The following KNSTRN variants were observed in gnomAD, a reference collection of about 807,000 sequenced individuals.
KNSTRN encodes kinetochore localized astrin (SPAG5) binding protein, also known as small kinetochore-associated protein.
Under a neutral mutation model 44.7 loss-of-function variants are expected in KNSTRN, and 38 were observed. The ratio of observed to expected loss-of-function variants is 0.85; its 90% CI spans 0.66 to 1.11. The LOEUF (loss-of-function observed/expected upper bound fraction) is 1.11, where lower values mean the gene tolerates loss of function less well. KNSTRN is among the 50% of genes most tolerant of loss of function. The pLI is 0.00. For synonymous variants in KNSTRN, 158 were observed against 148.1 expected (o/e 1.07, Z -0.48); for missense variants, 406 against 375.8 (o/e 1.08, Z -0.66).
chr15:40,389,475 T>A (rs6492944), intron 4 of KNSTRN, 31 bp from the exon 5 acceptor site: 215,404 of 1,550,922 alleles, frequency 0.14, 15,978 homozygotes, highest in African/African-American at 0.18. Flanking sequence ...AACCCTTTTA[T>A]CTTTTCATGT....
chr15:40,383,129 C>T, intron 1 of KNSTRN, 85 bp downstream of exon 1: 1 of 1,588,730 alleles, frequency 6.3e-7, no homozygotes, highest in South Asian at 1.1e-5. Context: ...TCTTTTCCAA[C>T]CCCGAGCCGG....
intron 2 of KNSTRN, 50 bp from the exon 3 acceptor site, chr15:40,386,312 A>G (rs1235166165): frequency 6.3e-7 from 1 of 1,584,678 alleles, no homozygotes; most frequent in Non-Finnish European, 8.6e-7. Context: ...ACAGGGTTGC[A>G]ACTGTCGGGT....
intron 8 of KNSTRN, 156 bp from the exon 9 acceptor site, chr15:40,393,313 G>A: frequency 6.2e-7 from 1 of 1,607,210 alleles, no homozygotes; most frequent in South Asian, 1.1e-5. Flanking sequence ...CCAGTGCATA[G>A]AAATAAAATC....
chr15:40,389,476 C>A (rs1175486329), intron 4 of KNSTRN, 30 bp from the exon 5 acceptor site: 1 of 1,556,550 alleles, frequency 6.4e-7, no homozygotes, highest in Non-Finnish European at 8.9e-7. Context: ...ACCCTTTTAT[C>A]TTTTCATGTA....
At position 40,387,209 on chromosome 15, in the gene KNSTRN, G is replaced by A; in HGVS notation, c.485+3G>A. Reference sequence around the variant, plus strand: ...ACCAGAAGGAATGTCAGAAAAGGGTGAGCATCAGGGTAAATCAACTTGGCC... The same window carrying A: ...ACCAGAAGGAATGTCAGAAAAGGGTAAGCATCAGGGTAAATCAACTTGGCC... On this transcript the variant is annotated splice_donor_region_variant and intron_variant, in intron 4 of 8. Coordinates refer to ENST00000249776, the MANE Select transcript of KNSTRN (RefSeq NM_033286.4). 6.2e-7 allele frequency: 1 copy of A among 1,610,920 alleles called. No homozygotes were observed.
intron 3 of KNSTRN, 69 bp downstream of exon 3, chr15:40,386,563 A>G: frequency 1.3e-6 from 2 of 1,555,832 alleles, no homozygotes; most frequent in Non-Finnish European, 1.8e-6. Flanking sequence ...AGAATTAGAA[A>G]ACAGAGTTTT....
chr15:40,384,753 AG>A (rs1889875927), intron 2 of KNSTRN: 1 of 190,622 alleles, frequency 5.2e-6, no homozygotes, highest in Non-Finnish European at 1.1e-5. Context: ...AAAAAAAAAA[AG>A]GTGGAAAACC....
In KNSTRN at chr15:40,389,558, C is replaced by CA. The variant is rs1299409188; in HGVS notation, c.539dup (p.Leu181AlafsTer15). 6.2e-7 allele frequency: 1 copy of CA among 1,613,992 alleles called. No individual in the cohort carries two copies. Among genetic ancestry groups the CA allele is most frequent in the Non-Finnish European group, 8.5e-7 (1 of 1,180,022 alleles). ...AGAGGAAGAGCTCAAGGACAAGAAC[C>CA]AGCTGTTAGAAGCCGTCAACAAGCA... On this transcript the variant is annotated frameshift_variant, in exon 5 of 9. Transcript: ENST00000249776. LOFTEE classifies it high-confidence loss of function.
intron 3 of KNSTRN, among the ~76,000 whole-genome samples, 157 bp from the exon 4 acceptor site, chr15:40,387,002 C>T (rs138948850): frequency 2.6e-5 from 4 of 152,354 alleles, no homozygotes; most frequent in African/African-American, 4.8e-5. Flanking sequence ...TGTGCCGAAG[C>T]AGTAATGCAT....
At chr15:40,387,849 A>G (rs1018769476) in intron 4 of KNSTRN, among the ~76,000 whole-genome samples, 2 of 152,048 alleles carry the variant, frequency 1.3e-5, no homozygotes, top group Non-Finnish European at 2.9e-5. Flanking sequence ...CTCTACTAAA[A>G]ATACAAAAAT....
At chr15:40,384,632 C>T (rs1889873687) in intron 2 of KNSTRN, 19 of 345,414 alleles carry the variant, frequency 5.5e-5, no homozygotes, top group South Asian at 4.0e-4. Flanking sequence ...CTATCTCTGT[C>T]CCAGCTTTAT....
chr15:40,382,850 A>G lies in KNSTRN; in HGVS notation c.15A>G (p.Glu5=). The change falls in exon 1 of 9, where the codon GAA becomes GAG. Residue 5 remains glutamate (E), a synonymous_variant. Transcript: ENST00000249776. The part of the protein sequence containing the change: MAAP[E]APPLDRVFRT... ...TTCCGTACAGTATGGCGGCTCCCGAAGCCCCGCCCCTGGACAGAGTTTTCC... is the reference window on the plus strand; with the variant it reads ...TTCCGTACAGTATGGCGGCTCCCGAGGCCCCGCCCCTGGACAGAGTTTTCC... The G allele has an allele frequency of 6.2e-7, 1 of 1,610,622 alleles. No individual in the cohort carries two copies. Among genetic ancestry groups the G allele is most frequent in the Non-Finnish European group, 8.5e-7 (1 of 1,179,388 alleles).
At chr15:40,383,400 C>T (rs1595736617) in intron 2 of KNSTRN, 78 bp downstream of exon 2, 11 of 1,137,682 alleles carry the variant, frequency 9.7e-6, no homozygotes, top group Non-Finnish European at 1.2e-5. Flanking sequence ...GAATGGGTGG[C>T]GCGGGCACGG....
chr15:40,383,838 G>A lies in KNSTRN; in HGVS notation c.304+516G>A, dbSNP rs371326369. Among the ~76,000 whole-genome samples, 12 of 152,310 alleles carry A rather than the reference G, an allele frequency of 7.9e-5. No homozygotes were observed. In the East Asian group the frequency reaches 1.5e-3, roughly 20 times the overall value. ...CTAGGCACAGTATTTGAGAAACTTG[G>A]GCGAAGAGAGAGACATGATTAAAAA... On this transcript the variant is annotated intron_variant, in intron 2 of 8. Transcript: ENST00000249776.
intron 4 of KNSTRN, among the ~76,000 whole-genome samples, chr15:40,387,904 A>C (rs1165728073): frequency 6.6e-6 from 1 of 152,186 alleles, no homozygotes; most frequent in Non-Finnish European, 1.5e-5. Context: ...GCTACTCAGG[A>C]GGCTGAGGCA....
In KNSTRN at chr15:40,393,674, A is replaced by G; in HGVS notation, c.*77A>G. The G allele has an allele frequency of 7.3e-7, 1 of 1,367,356 alleles. No homozygotes were observed. Among genetic ancestry groups the G allele is most frequent in the African/African-American group, 1.5e-5 (1 of 68,834 alleles). The allele number at this position is 1,367,356 out of a possible 1,614,324, so 84.7% of individuals were successfully genotyped here. ...AGCTACTTAGGACATCATCTTGGCC[A>G]TGATCTTCTGGGACTCACCATCTCC... On this transcript the variant is annotated 3_prime_UTR_variant, in exon 9 of 9. Transcript: ENST00000249776.
chr15:40,393,643 A>C lies in KNSTRN; in HGVS notation c.*46A>C. 490 of 1,552,244 alleles carry C rather than the reference A, an allele frequency of 3.2e-4. No individual in the cohort carries two copies. The highest frequency in any genetic ancestry group is 3.9e-4 in the Non-Finnish European group (444 of 1,132,598). On this transcript the variant is annotated 3_prime_UTR_variant, in exon 9 of 9. Coordinates refer to ENST00000249776, the MANE Select transcript of KNSTRN (RefSeq NM_033286.4). ...GGCTCCCTCTTGGGCATAAAATCTC[A>C]GAGGAAGCTACTTAGGACATCATCT...
At chr15:40,384,407 G>A (rs1422807642) in intron 2 of KNSTRN, 1 of 450,376 alleles carries the variant, frequency 2.2e-6, no homozygotes, top group East Asian at 7.1e-5. Context: ...AAGTAAATAG[G>A]CTTTTCTCCA....
chr15:40,393,346 T>C, intron 8 of KNSTRN, 123 bp from the exon 9 acceptor site: 1 of 1,598,316 alleles, frequency 6.3e-7, no homozygotes, highest in Non-Finnish European at 8.5e-7. Context: ...TACAGTCTGT[T>C]GATACTCCAG....
Sources: gnomAD v4.1 joint callset for allele counts (sites outside exome capture counted in the v4.1 genomes callset) on GRCh38, gnomAD v4.1.1 for gene constraint, MANE v1.5 for transcripts, NCBI Gene and HGNC (gene_info 2026-07-23, HGNC 2026-07-21) for gene names.